QSER1: variants seen among roughly 807,000 people sequenced by gnomAD.
QSER1 encodes the protein glutamine and serine-rich protein 1.
Under a neutral mutation model 158.5 loss-of-function variants are expected in QSER1, and 49 were observed. The observed-to-expected ratio is 0.31, with a 90% CI of 0.25 to 0.39. The LOEUF is 0.39. Ranked by LOEUF, QSER1 falls within the 10% of genes least tolerant of loss-of-function variation. The pLI, the probability that QSER1 is intolerant of heterozygous loss-of-function variation, is 1.00. For synonymous variants in QSER1, 650 were observed against 715.5 expected, an observed-to-expected ratio of 0.91 and a Z score of 1.46; for missense variants, 1,754 against 2,010.3, an observed-to-expected ratio of 0.87 and a Z score of 2.44.
At chr11:32,954,601 A>G (rs1182988848) in intron 5 of QSER1, among the ~76,000 whole-genome samples, 1 of 152,232 alleles carries the variant, frequency 6.6e-6, no homozygotes, top group Non-Finnish European at 1.5e-5. Context: ...AGAGAATGTA[A>G]TAATTTTATG....
Position 32,932,233 on chromosome 11 carries a change from AG to A in QSER1, c.977del (p.Gly326ValfsTer9). 1 of 1,614,180 alleles carries A rather than the reference AG, an allele frequency of 6.2e-7. No homozygotes were observed. Among genetic ancestry groups the A allele is most frequent in the Non-Finnish European group, 8.5e-7 (1 of 1,180,018 alleles). ...SVIKHHQRPS[G>X]TQSIQAQLTG... ...TTATTAAACACCATCAGCGGCCTTC[AG>A]GTACCCAGTCAATTCAGGCACAACT... On this transcript the variant is annotated frameshift_variant, in exon 4 of 13. Coordinates refer to ENST00000650167, the MANE Select transcript of QSER1 (RefSeq NM_001076786.3). LOFTEE classifies it high-confidence loss of function.
chr11:32,967,297 G>T (rs765625847), intron 9 of QSER1, among the ~76,000 whole-genome samples: 1 of 152,062 alleles, frequency 6.6e-6, no homozygotes, highest in Non-Finnish European at 1.5e-5. Flanking sequence ...AAGGCAGCGT[G>T]GTATAATGGA....
At chr11:32,968,809 T>C (rs949079463) in intron 9 of QSER1, among the ~76,000 whole-genome samples, 1 of 152,244 alleles carries the variant, frequency 6.6e-6, no homozygotes, top group South Asian at 2.1e-4. Flanking sequence ...TGGATCCTCA[T>C]GTAGTGCTCA....
rs1306268749 is a variant in QSER1, at chr11:32,977,271, A to G, written c.*797A>G. The G allele has an allele frequency of 6.6e-6, 1 of 152,622 alleles. No individual in the cohort carries two copies. Among genetic ancestry groups the G allele is most frequent in the Non-Finnish European group, 1.5e-5 (1 of 68,034 alleles). The allele number at this position is 152,622 out of a possible 1,614,324, so 9.5% of individuals were successfully genotyped here. A position where few individuals can be genotyped will look rare whatever the true frequency, so the allele number is the denominator to read the frequency against. On this transcript the variant is annotated 3_prime_UTR_variant, in exon 13 of 13. Transcript: ENST00000650167. ...ATTACGTTTGATATATCTCTACAAC[A>G]CCTTTTGTTATTTTCAGTAAATCTT...
At chr11:32,966,247 T>C (rs1852744978) in intron 8 of QSER1, 53 bp from the exon 9 acceptor site, 3 of 1,581,300 alleles carry the variant, frequency 1.9e-6, no homozygotes, top group Non-Finnish European at 2.6e-6. Context: ...AGAAAAGTGT[T>C]TTTAAAATTG....
chr11:32,964,735 T>TACACACACAC (rs1176079108), intron 8 of QSER1, among the ~76,000 whole-genome samples: 11 of 116,656 alleles, frequency 9.4e-5, no homozygotes, highest in Non-Finnish European at 2.0e-4. Flanking sequence ...TATATATATA[T>TACACACACAC]ATATACACAC....
In QSER1 at chr11:32,933,234, G is replaced by A. The variant is rs758893573; in HGVS notation, c.1976G>A (p.Cys659Tyr). 8 of 1,613,662 alleles carry A rather than the reference G, an allele frequency of 5.0e-6. No homozygotes were observed. The African/African-American group carries it at 9.4e-5, about 19-fold the overall frequency. ...TCATCTTTTGCATCCTCTACTCATTGTCAGACATTACAAAATAACATAACT... is the reference window on the plus strand; with the variant it reads ...TCATCTTTTGCATCCTCTACTCATTATCAGACATTACAAAATAACATAACT... ...QSSSFASSTH[C>Y]QTLQNNITSP... is the part of the protein sequence containing the mutation. Residue 659 changes from cysteine (C) to tyrosine (Y), a missense_variant, in exon 4 of 13, where the codon TGT becomes TAT. By Grantham distance (194) the Cys-to-Tyr change is radical (BLOSUM62 -2). Around this residue, in one of 2 missense-constraint regions of QSER1, gnomAD observed 1,707 missense variants for 1,919.6 expected, o/e 0.89. Coordinates refer to ENST00000650167, the MANE Select transcript of QSER1 (RefSeq NM_001076786.3).
In QSER1 at chr11:32,957,931, C is replaced by T; in HGVS notation, c.4814C>T (p.Thr1605Ile). Residue 1605 changes from threonine (T) to isoleucine (I), a missense_variant, in exon 8 of 13, where the codon ACA becomes ATA. This residue lies in a region of QSER1 where 1,707 missense variants were observed against 1,919.6 expected (regional missense o/e 0.89). Coordinates refer to ENST00000650167, the MANE Select transcript of QSER1 (RefSeq NM_001076786.3). ...KTSDPLASKTTTTKAPSVKPK... is the reference protein window; with the variant it reads ...KTSDPLASKTITTKAPSVKPK... ...TCTGATCCTCTAGCATCAAAAACTA[C>T]AACTACAAAAGCCCCTTCCGTGAAA... The T allele has an allele frequency of 6.2e-7, 1 of 1,614,102 alleles. No individual in the cohort carries two copies. The highest frequency in any genetic ancestry group is 1.1e-5 in the South Asian group (1 of 91,078).
intron 9 of QSER1, among the ~76,000 whole-genome samples, chr11:32,967,242 T>C (rs552339549): frequency 6.6e-6 from 1 of 152,100 alleles, no homozygotes; most frequent in Non-Finnish European, 1.5e-5. Flanking sequence ...GAACCAAATA[T>C]CACATGTTCT....
rs1365845256 is a variant in QSER1 at position 32,948,360 on chromosome 11, G to A, written c.4178-5497G>A. 2.0e-5 allele frequency among the ~76,000 whole-genome samples: 3 copies of A among 152,186 alleles called. No individual in the cohort carries two copies. The East Asian group carries it at 5.8e-4, about 29-fold the overall frequency. ...CTAGAGCAAATCACTAACTGACTTG[G>A]ATGGTAATCACTTCCTTACTTAATA... is the stretch of plus-strand genomic sequence containing the variant. On this transcript the variant is annotated intron_variant, in intron 4 of 12. Transcript: ENST00000650167.
intron 10 of QSER1, 149 bp from the exon 11 acceptor site, chr11:32,973,248 C>T (rs1590190792): frequency 3.9e-6 from 3 of 769,150 alleles, no homozygotes; most frequent in Non-Finnish European, 4.4e-6. Flanking sequence ...AGTACACACA[C>T]ACCTCTCTGC....
intron 3 of QSER1, among the ~76,000 whole-genome samples, chr11:32,931,322 A>G (rs1304014144): frequency 3.3e-5 from 5 of 152,164 alleles, no homozygotes; most frequent in Non-Finnish European, 5.9e-5. Flanking sequence ...GCTTGCACCT[A>G]TAATCCCATC....
chr11:32,940,942 C>T (rs1852221577), intron 4 of QSER1, among the ~76,000 whole-genome samples: 1 of 151,630 alleles, frequency 6.6e-6, no homozygotes, highest in African/African-American at 2.4e-5. Flanking sequence ...TTCTTTTGCC[C>T]TTTATTCCTT....
chr11:32,903,184 A>G (rs1037710346), intron 1 of QSER1, among the ~76,000 whole-genome samples: 5 of 152,172 alleles, frequency 3.3e-5, no homozygotes, highest in African/African-American at 9.6e-5. Flanking sequence ...ACTTTTGCCA[A>G]AAGTTTTTGC....
In QSER1 at chr11:32,933,225, C is replaced by A; in HGVS notation, c.1967C>A (p.Ser656Tyr). 1 of 1,613,994 alleles carries A rather than the reference C, an allele frequency of 6.2e-7. No homozygotes were observed. Among genetic ancestry groups the A allele is most frequent in the Non-Finnish European group, 8.5e-7 (1 of 1,179,972 alleles). ...PAVQSSSFAS[S>Y]THCQTLQNNI... ...GTCCAGTCATCATCTTTTGCATCCTCTACTCATTGTCAGACATTACAAAAT... is the reference window on the plus strand; with the variant it reads ...GTCCAGTCATCATCTTTTGCATCCTATACTCATTGTCAGACATTACAAAAT... Residue 656 changes from serine (S) to tyrosine (Y), a missense_variant, in exon 4 of 13, where the codon TCT (serine) becomes TAT (tyrosine). Around this residue, in one of 2 missense-constraint regions of QSER1, gnomAD observed 1,707 missense variants for 1,919.6 expected, o/e 0.89. Transcript: ENST00000650167.
chr11:32,936,569 G>T (rs913225149), intron 4 of QSER1, among the ~76,000 whole-genome samples: 3 of 152,146 alleles, frequency 2.0e-5, no homozygotes, highest in Admixed American at 1.3e-4. Flanking sequence ...CCACCTCTGT[G>T]CCAGGAACTA....
chr11:32,925,378 C>A (rs1851953925), intron 1 of QSER1, among the ~76,000 whole-genome samples: 1 of 152,048 alleles, frequency 6.6e-6, no homozygotes, highest in African/African-American at 2.4e-5. Flanking sequence ...CAGAGAAATG[C>A]AAATTAAGCC....
intron 1 of QSER1, among the ~76,000 whole-genome samples, chr11:32,913,868 G>A (rs1851801596): frequency 6.6e-6 from 1 of 152,182 alleles, no homozygotes; most frequent in Non-Finnish European, 1.5e-5. Context: ...AATTTATATA[G>A]AACTGGATTT....
In QSER1 at chr11:32,979,637, T is replaced by A. The variant is rs1853038388; in HGVS notation, c.*3163T>A. The A allele has an allele frequency of 1.3e-5, 2 of 148,280 alleles. 1 individual carries two copies. The highest frequency in any genetic ancestry group is 4.2e-4 in the South Asian group (2 of 4,786). The allele number at this position is 148,280 out of a possible 1,614,324, so 9.2% of individuals were successfully genotyped here. On this transcript the variant is annotated 3_prime_UTR_variant, in exon 13 of 13. Coordinates refer to ENST00000650167, the MANE Select transcript of QSER1 (RefSeq NM_001076786.3). ...CAGATTACTTTGAAAATTCTAAACT[T>A]CTTTCTGTTTCCAAAACTTGAAAAT... is the stretch of plus-strand genomic sequence containing the variant.
Sources: allele counts gnomAD v4.1 joint callset (sites outside exome capture counted in the v4.1 genomes callset), GRCh38; gene constraint gnomAD v4.1.1; regional missense constraint gnomAD v4.1.1; transcripts MANE v1.5; gene names NCBI Gene and HGNC (gene_info 2026-07-23, HGNC 2026-07-21).